XIRP2: variants seen among roughly 807,000 people sequenced by gnomAD.
The protein encoded by XIRP2 is xin actin binding repeat containing 2.
Under a neutral mutation model 277.0 loss-of-function variants are expected in XIRP2, and 236 were observed. That is an observed-to-expected ratio of 0.85 (90% CI 0.77 to 0.95). The LOEUF is 0.95. XIRP2 is among the 40% of genes least tolerant of loss of function. The probability of loss-of-function intolerance (pLI) is 0.00; values close to 1 mark genes in which losing one functional copy is unlikely to be tolerated. For synonymous variants in XIRP2, 1,490 were observed against 1,416.5 expected (o/e 1.05, Z -1.17); for missense variants, 4,640 against 4,157.5 (o/e 1.12, Z -3.19).
At chr2:167,134,841 A>G (rs1391543882) in intron 2 of XIRP2, among the ~76,000 whole-genome samples, 1 of 152,196 alleles carries the variant, frequency 6.6e-6, no homozygotes, top group Non-Finnish European at 1.5e-5. Context: ...AGTCCATCTG[A>G]TAACCAAGAC....
At chr2:167,093,489 C>T (rs913537066) in intron 2 of XIRP2, among the ~76,000 whole-genome samples, 5 of 152,094 alleles carry the variant, frequency 3.3e-5, no homozygotes, top group Middle Eastern at 3.4e-3. Flanking sequence ...CCCAACAGGC[C>T]CCAGTGTGTG....
chr2:167,201,901 A>C (rs1383427931), intron 3 of XIRP2, among the ~76,000 whole-genome samples: 4 of 152,214 alleles, frequency 2.6e-5, no homozygotes, highest in Non-Finnish European at 5.9e-5. Flanking sequence ...TGTATGCAGA[A>C]ATACTTGAAA....
intron 2 of XIRP2, among the ~76,000 whole-genome samples, chr2:166,948,888 G>A (rs1309334114): frequency 6.6e-6 from 1 of 152,000 alleles, no homozygotes; most frequent in Non-Finnish European, 1.5e-5. Flanking sequence ...AATACCAAAA[G>A]AAGACTGCCA....
At chr2:166,966,194 T>C (rs1686427997) in intron 2 of XIRP2, among the ~76,000 whole-genome samples, 1 of 151,956 alleles carries the variant, frequency 6.6e-6, no homozygotes, top group South Asian at 2.1e-4. Context: ...TAGTTGTCAA[T>C]ATTAACACTT....
rs189605182 is a variant in XIRP2 at position 167,031,750 on chromosome 2, T to A, written c.409-104159T>A. Among the ~76,000 whole-genome samples, 202 of 152,222 alleles carry A rather than the reference T, an allele frequency of 1.3e-3. 4 individuals are homozygous for A. The East Asian group carries it at 0.03, about 23-fold the overall frequency. Reference sequence around the variant, plus strand: ...ACCTAGGAGTATAACTTAAAAGGGATGTGAAGGACCTCTTCCAGGAGAACT... The same window carrying A: ...ACCTAGGAGTATAACTTAAAAGGGAAGTGAAGGACCTCTTCCAGGAGAACT... On this transcript the variant is annotated intron_variant, in intron 2 of 10. Transcript: ENST00000409195.
chr2:166,966,908 A>T (rs756043814), intron 2 of XIRP2, among the ~76,000 whole-genome samples: 1 of 152,026 alleles, frequency 6.6e-6, no homozygotes, highest in African/African-American at 2.4e-5. Flanking sequence ...AACATCACTT[A>T]GAACCCTGTT....
At chr2:167,141,434 G>T (rs1451104096) in intron 3 of XIRP2, among the ~76,000 whole-genome samples, 1 of 152,088 alleles carries the variant, frequency 6.6e-6, no homozygotes. Flanking sequence ...TCATACATTG[G>T]ATGAAAAAAT....
intron 3 of XIRP2, among the ~76,000 whole-genome samples, chr2:167,167,049 G>A (rs979880178): frequency 2.0e-5 from 3 of 152,052 alleles, no homozygotes; most frequent in Non-Finnish European, 4.4e-5. Flanking sequence ...AAATATTGTT[G>A]TGTTGAACAA....
At chr2:166,909,029 A>G (rs1357304353) in intron 2 of XIRP2, among the ~76,000 whole-genome samples, 7 of 152,122 alleles carry the variant, frequency 4.6e-5, no homozygotes, top group African/African-American at 1.4e-4. Flanking sequence ...GTCTTGTAGT[A>G]TAGTTTGAAG....
intron 2 of XIRP2, among the ~76,000 whole-genome samples, chr2:167,059,798 C>G (rs547918274): frequency 6.6e-6 from 1 of 152,302 alleles, no homozygotes; most frequent in South Asian, 2.1e-4. Context: ...GACACTAAAT[C>G]TGGTCTTGGC....
At chr2:167,132,533 C>CACACACAT (rs978068425) in intron 2 of XIRP2, among the ~76,000 whole-genome samples, 1 of 152,036 alleles carries the variant, frequency 6.6e-6, no homozygotes, top group African/African-American at 2.4e-5. Context: ...CACACACACA[C>CACACACAT]ACACACACAC....
At chr2:167,217,549 T>G (rs1156374473) in intron 4 of XIRP2, among the ~76,000 whole-genome samples, 1 of 152,164 alleles carries the variant, frequency 6.6e-6, no homozygotes, top group Non-Finnish European at 1.5e-5. Context: ...CTTACTTCTC[T>G]AAGTCTCAAT....
intron 2 of XIRP2, among the ~76,000 whole-genome samples, chr2:166,914,741 A>T (rs898890233): frequency 1.3e-5 from 2 of 152,204 alleles, no homozygotes; most frequent in Non-Finnish European, 2.9e-5. Flanking sequence ...AACATTGTTT[A>T]AAAATGGTTG....
intron 2 of XIRP2, among the ~76,000 whole-genome samples, chr2:167,044,056 A>T (rs1688731307): frequency 6.6e-6 from 1 of 152,148 alleles, no homozygotes; most frequent in Non-Finnish European, 1.5e-5. Context: ...ATTCAGCAGC[A>T]CATCGAAAAG....
chr2:166,928,819 G>C (rs920137020), intron 2 of XIRP2, among the ~76,000 whole-genome samples: 3 of 151,800 alleles, frequency 2.0e-5, no homozygotes, highest in Non-Finnish European at 4.4e-5. Flanking sequence ...ACTCACCTTG[G>C]TGTCCCCACT....
At chr2:167,071,812 T>G (rs563107505) in intron 2 of XIRP2, among the ~76,000 whole-genome samples, 1 of 152,268 alleles carries the variant, frequency 6.6e-6, no homozygotes, top group East Asian at 1.9e-4. Flanking sequence ...GTTGCCAGGC[T>G]CTGGTAACAG....
Position 167,254,107 on chromosome 2 carries a change from G to A in XIRP2, c.10631G>A (p.Arg3544Lys), listed in dbSNP as rs182111137. 13 of 1,610,940 alleles carry A rather than the reference G, an allele frequency of 8.1e-6. No individual in the cohort carries two copies. The East Asian group carries it at 1.8e-4, about 22-fold the overall frequency. Reference sequence around the variant, plus strand: ...TTATCCAATGGAGTGCCTAGTGGCAGACAAGCAGAATTTTCATAAGTCCTG... The same window carrying A: ...TTATCCAATGGAGTGCCTAGTGGCAAACAAGCAGAATTTTCATAAGTCCTG... ...DSLSNGVPSG[R>K]QAEFS The change falls in exon 10 of 11, where the codon AGA (arginine) becomes AAA (lysine). Residue 3544 changes from arginine to lysine, a missense_variant. Physicochemically the swap from Arg to Lys is conservative, Grantham distance 26 (BLOSUM62 2). Coordinates refer to ENST00000409195, the MANE Select transcript of XIRP2 (RefSeq NM_152381.6).
intron 3 of XIRP2, among the ~76,000 whole-genome samples, chr2:167,162,245 CA>C (rs1692391694): frequency 6.6e-6 from 1 of 152,230 alleles, no homozygotes; most frequent in Non-Finnish European, 1.5e-5. Context: ...TACCCAGTTC[CA>C]AAGTTGTTTC....
chr2:167,122,079 T>C (rs935761720), intron 2 of XIRP2, among the ~76,000 whole-genome samples: 9 of 152,176 alleles, frequency 5.9e-5, no homozygotes, highest in Non-Finnish European at 1.2e-4. Flanking sequence ...AATAATCATG[T>C]CCATGCCTAG....
Sources: gnomAD v4.1 joint callset for allele counts (sites outside exome capture counted in the v4.1 genomes callset) on GRCh38, gnomAD v4.1.1 for gene constraint, MANE v1.5 for transcripts, NCBI Gene and HGNC (gene_info 2026-07-23, HGNC 2026-07-21) for gene names.